Variants in GAREM1 observed in about 807,000 individuals in gnomAD.
GAREM1 encodes the protein GRB2-associated and regulator of MAPK protein 1.
Under a neutral mutation model 71.3 loss-of-function variants are expected in GAREM1, and 26 were observed. That is an observed-to-expected ratio of 0.36 (90% CI 0.27 to 0.51). GAREM1 has a LOEUF of 0.51. GAREM1 is among the 20% of genes least tolerant of loss of function. The pLI is 0.95. For missense variants in GAREM1, 1,026 were observed against 1,103.1 expected (o/e 0.93, Z 0.99); for synonymous variants, 440 against 433.2 (o/e 1.02, Z -0.20).
intron 1 of GAREM1, among the ~76,000 whole-genome samples, chr18:32,431,680 T>C (rs1288730560): frequency 1.3e-5 from 2 of 151,900 alleles, no homozygotes; most frequent in East Asian, 3.9e-4. Flanking sequence ...AGAAATCTAG[T>C]GAAAGATATA....
intron 1 of GAREM1, among the ~76,000 whole-genome samples, chr18:32,418,846 T>A (rs936709180): frequency 1.3e-5 from 2 of 152,168 alleles, no homozygotes; most frequent in African/African-American, 4.8e-5. Flanking sequence ...TCAGCGTAAG[T>A]AGACAGAAAT....
intron 3 of GAREM1, among the ~76,000 whole-genome samples, chr18:32,295,401 C>T (rs1391724129): frequency 2.6e-5 from 4 of 152,162 alleles, no homozygotes; most frequent in Non-Finnish European, 5.9e-5. Flanking sequence ...ATCTTTGTCA[C>T]AGATGAGACT....
intron 1 of GAREM1, among the ~76,000 whole-genome samples, chr18:32,446,369 C>T (rs1002795407): frequency 6.6e-6 from 1 of 152,060 alleles, no homozygotes. Context: ...TTAATCATCA[C>T]AACAAGACAA....
At chr18:32,346,892 A>G (rs2047702291) in intron 2 of GAREM1, among the ~76,000 whole-genome samples, 1 of 152,194 alleles carries the variant, frequency 6.6e-6, no homozygotes. Flanking sequence ...TACAAAAGGG[A>G]AAGAGGCCGG....
rs2047023921 is a variant in GAREM1 at position 32,286,910 on chromosome 18, A to T, written c.1566+121T>A. 3 of 726,582 alleles carry T rather than the reference A, an allele frequency of 4.1e-6. No homozygotes were observed. The South Asian group carries it at 5.4e-5, about 13-fold the overall frequency. The allele number at this position is 726,582 out of a possible 1,614,324, so 45.0% of individuals were successfully genotyped here. A position where few individuals can be genotyped will look rare whatever the true frequency, so the allele number is the denominator to read the frequency against. On this transcript the variant is annotated intron_variant, in intron 4 of 5. Transcript: ENST00000269209. ...AGCTAGCATGTGTATCTCACTCCAAACTAAACAAATTTGCTCACTCTGCAA... is the reference window on the plus strand; with the variant it reads ...AGCTAGCATGTGTATCTCACTCCAATCTAAACAAATTTGCTCACTCTGCAA...
intron 1 of GAREM1, among the ~76,000 whole-genome samples, chr18:32,439,194 A>C (rs938852229): frequency 2.0e-5 from 3 of 152,300 alleles, no homozygotes; most frequent in South Asian, 4.1e-4. Context: ...TGGGCACTGA[A>C]AGCCTGGTCA....
chr18:32,456,721 A>G (rs554154413), intron 1 of GAREM1, among the ~76,000 whole-genome samples: 2 of 152,316 alleles, frequency 1.3e-5, no homozygotes, highest in African/African-American at 4.8e-5. Context: ...AATTCTACAG[A>G]AACAATGAAC....
At chr18:32,437,550 T>G (rs950821871) in intron 1 of GAREM1, among the ~76,000 whole-genome samples, 2 of 152,090 alleles carry the variant, frequency 1.3e-5, no homozygotes, top group Non-Finnish European at 2.9e-5. Flanking sequence ...CTAGAGGGGT[T>G]AAAGGTAAAG....
intron 1 of GAREM1, among the ~76,000 whole-genome samples, chr18:32,436,673 A>T (rs1426768171): frequency 3.3e-5 from 5 of 152,172 alleles, no homozygotes; most frequent in African/African-American, 1.2e-4. Context: ...TTTCCCTTGA[A>T]TTTTATTTTT....
At chr18:32,274,603 T>C (rs892590957) in intron 4 of GAREM1, among the ~76,000 whole-genome samples, 4 of 152,212 alleles carry the variant, frequency 2.6e-5, no homozygotes, top group African/African-American at 7.2e-5. Context: ...CGCATCTTTC[T>C]AGCAATCTCT....
chr18:32,292,878 C>T (rs1378681847), intron 3 of GAREM1, among the ~76,000 whole-genome samples: 1 of 152,032 alleles, frequency 6.6e-6, no homozygotes, highest in African/African-American at 2.4e-5. Flanking sequence ...TATTCTGATC[C>T]TTTTGGTAGA....
chr18:32,412,333 C>A, intron 1 of GAREM1: 2 of 1,594,358 alleles, frequency 1.3e-6, no homozygotes, highest in Admixed American at 3.3e-5. Flanking sequence ...TTTCTGCCTC[C>A]AAAATTTCCT....
At chr18:32,379,080 G>A (rs7241450) in intron 2 of GAREM1, among the ~76,000 whole-genome samples, 5,134 of 152,134 alleles carry the variant, frequency 0.034, 132 homozygotes, top group East Asian at 0.11. Flanking sequence ...GTAGATGGTA[G>A]GACCTTGGCT....
intron 2 of GAREM1, among the ~76,000 whole-genome samples, chr18:32,349,045 C>G (rs1454213853): frequency 6.6e-6 from 1 of 152,048 alleles, no homozygotes; most frequent in African/African-American, 2.4e-5. Context: ...CCAAGACTTA[C>G]CTGTAAAATT....
At chr18:32,438,554 G>A (rs2048703854) in intron 1 of GAREM1, among the ~76,000 whole-genome samples, 1 of 152,174 alleles carries the variant, frequency 6.6e-6, no homozygotes, top group Admixed American at 6.5e-5. Context: ...TTTCTTTCCA[G>A]ACCTTGCAAC....
At chr18:32,355,745 T>C (rs2047798628) in intron 2 of GAREM1, among the ~76,000 whole-genome samples, 2 of 152,162 alleles carry the variant, frequency 1.3e-5, no homozygotes, top group Admixed American at 1.3e-4. Flanking sequence ...AAAAACATTC[T>C]ATAAAAGAAA....
intron 4 of GAREM1, among the ~76,000 whole-genome samples, chr18:32,286,321 A>AGTGTGTGT (rs140225815): frequency 0.036 from 5,110 of 143,178 alleles, 107 homozygotes; most frequent in Non-Finnish European, 0.045. Context: ...CTGGTTCTGG[A>AGTGTGTGT]GTGTGTGTGT....
intron 1 of GAREM1, among the ~76,000 whole-genome samples, chr18:32,398,855 A>G (rs1191694956): frequency 6.6e-6 from 1 of 152,306 alleles, no homozygotes; most frequent in African/African-American, 2.4e-5. Flanking sequence ...CCTGGCAGAG[A>G]CACAACAAAA....
At chr18:32,442,011 G>GA (rs35982238) in intron 1 of GAREM1, among the ~76,000 whole-genome samples, 21,607 of 151,532 alleles carry the variant, frequency 0.14, 1,895 homozygotes, top group East Asian at 0.39. Flanking sequence ...TTTTTTACAG[G>GA]AAAAAATCCC....
Sources: gnomAD v4.1 joint callset for allele counts (sites outside exome capture counted in the v4.1 genomes callset) on GRCh38, gnomAD v4.1.1 for gene constraint, MANE v1.5 for transcripts, NCBI Gene and HGNC (gene_info 2026-07-23, HGNC 2026-07-21) for gene names.